Variants in KCNMA1 observed in about 807,000 individuals in gnomAD.
The protein encoded by KCNMA1 is Calcium-activated potassium channel subunit alpha-1.
In KCNMA1, 29 loss-of-function variants were observed where a neutral mutation model predicts 140.0. The observed-to-expected ratio is 0.21, with a 90% CI of 0.15 to 0.28. The LOEUF (loss-of-function observed/expected upper bound fraction) is 0.28, where lower values mean the gene tolerates loss of function less well. Among genes scored for constraint, KCNMA1 ranks in the 10% least tolerant of loss-of-function variants. The pLI is 1.00. For missense variants in KCNMA1, 880 were observed against 1,602.2 expected (o/e 0.55, Z 7.70); for synonymous variants, 612 against 611.9 (o/e 1.00, Z 0.00).
intron 1 of KCNMA1, among the ~76,000 whole-genome samples, chr10:77,455,192 C>T (rs953163600): frequency 3.9e-5 from 6 of 152,270 alleles, no homozygotes; most frequent in South Asian, 2.1e-4. Flanking sequence ...TCTTCAGAAC[C>T]GGGCTCTCAC....
At chr10:77,187,217 C>T (rs2098874233) in intron 3 of KCNMA1, among the ~76,000 whole-genome samples, 1 of 152,116 alleles carries the variant, frequency 6.6e-6, no homozygotes, top group South Asian at 2.1e-4. Context: ...GAGATGTGAG[C>T]TGAATGCCAC....
At chr10:77,499,456 C>CACACAT (rs551595637) in intron 1 of KCNMA1, among the ~76,000 whole-genome samples, 1 of 148,758 alleles carries the variant, frequency 6.7e-6, no homozygotes, top group African/African-American at 2.5e-5. Flanking sequence ...CACACACACA[C>CACACAT]ATATATATAT....
chr10:77,197,005 G>A (rs768988875), intron 3 of KCNMA1, among the ~76,000 whole-genome samples: 1 of 152,148 alleles, frequency 6.6e-6, no homozygotes, highest in East Asian at 1.9e-4. Flanking sequence ...CAGTTTTAAA[G>A]TAAGTCATTA....
At chr10:77,530,701 T>C (rs1656534885) in intron 1 of KCNMA1, among the ~76,000 whole-genome samples, 1 of 152,190 alleles carries the variant, frequency 6.6e-6, no homozygotes, top group Non-Finnish European at 1.5e-5. Flanking sequence ...ACATGTTCTA[T>C]AGGAGACCTG....
intron 14 of KCNMA1, among the ~76,000 whole-genome samples, chr10:77,040,613 A>G (rs2094611633): frequency 1.3e-5 from 2 of 152,222 alleles, no homozygotes; most frequent in South Asian, 4.1e-4. Flanking sequence ...GCTTTATATC[A>G]AAACACTAAC....
chr10:77,288,684 C>T (rs940658211), intron 2 of KCNMA1, among the ~76,000 whole-genome samples: 1 of 152,152 alleles, frequency 6.6e-6, no homozygotes, highest in African/African-American at 2.4e-5. Flanking sequence ...TCCAGAAATG[C>T]TGCTTTTAAC....
intron 1 of KCNMA1, among the ~76,000 whole-genome samples, chr10:77,497,683 A>G (rs1023434083): frequency 2.0e-5 from 3 of 152,238 alleles, no homozygotes; most frequent in African/African-American, 7.2e-5. Context: ...CTATCACAGA[A>G]TCTTAGAATC....
chr10:77,506,006 C>T (rs1336619044), intron 1 of KCNMA1, among the ~76,000 whole-genome samples: 2 of 152,128 alleles, frequency 1.3e-5, no homozygotes. Flanking sequence ...GAGAAGGCAC[C>T]AGGAGAAGCA....
chr10:77,196,598 G>C (rs568220544), intron 3 of KCNMA1, among the ~76,000 whole-genome samples: 1 of 152,138 alleles, frequency 6.6e-6, no homozygotes, highest in African/African-American at 2.4e-5. Flanking sequence ...GGAGGAAAAA[G>C]GACTGTGGGA....
intron 2 of KCNMA1, among the ~76,000 whole-genome samples, chr10:77,273,932 G>C (rs948301613): frequency 6.6e-6 from 1 of 152,090 alleles, no homozygotes; most frequent in Non-Finnish European, 1.5e-5. Flanking sequence ...GAAAAAGCAG[G>C]CACCCTTTTA....
intron 20 of KCNMA1, among the ~76,000 whole-genome samples, chr10:76,969,153 C>T (rs2075116154): frequency 6.6e-6 from 1 of 151,148 alleles, no homozygotes; most frequent in South Asian, 2.1e-4. Flanking sequence ...GACAGATAGG[C>T]CAAGAAGAAG....
chr10:77,538,954 T>G (rs918995682), intron 1 of KCNMA1, among the ~76,000 whole-genome samples: 1 of 152,168 alleles, frequency 6.6e-6, no homozygotes, highest in Non-Finnish European at 1.5e-5. Flanking sequence ...GCTCCGTACA[T>G]AGGTCCCCCC....
intron 1 of KCNMA1, among the ~76,000 whole-genome samples, chr10:77,541,314 T>G (rs540815303): frequency 6.6e-6 from 1 of 152,184 alleles, no homozygotes; most frequent in Non-Finnish European, 1.5e-5. Context: ...ATTAAAAGAT[T>G]GACAATAAAA....
At chr10:77,237,516 G>A (rs1452737559) in intron 3 of KCNMA1, among the ~76,000 whole-genome samples, 1 of 152,100 alleles carries the variant, frequency 6.6e-6, no homozygotes. Flanking sequence ...GGAACACAGT[G>A]GTGCAACCAG....
chr10:77,372,522 C>T (rs984103624), intron 2 of KCNMA1, among the ~76,000 whole-genome samples: 1 of 152,150 alleles, frequency 6.6e-6, no homozygotes, highest in Non-Finnish European at 1.5e-5. Flanking sequence ...TCAGCCAAGT[C>T]ACTCCTCTCT....
chr10:77,259,664 A>C (rs1274185803), intron 2 of KCNMA1, among the ~76,000 whole-genome samples: 1 of 152,152 alleles, frequency 6.6e-6, no homozygotes, highest in Non-Finnish European at 1.5e-5. Context: ...GAGCCTTCGC[A>C]CAAGCACTTT....
chr10:77,462,464 TGTAAACATACATACAC>T (rs1431111344), intron 1 of KCNMA1, among the ~76,000 whole-genome samples: 13 of 152,186 alleles, frequency 8.5e-5, no homozygotes, highest in African/African-American at 2.7e-4. Flanking sequence ...CACACAGACA[TGTAAACATACATACAC>T]GTAAACATAC....
In KCNMA1 at chr10:77,297,738, C is replaced by T. The variant is rs567194149; in HGVS notation, c.541-46482G>A. Among the ~76,000 whole-genome samples, 43 of 152,330 alleles carry T rather than the reference C, an allele frequency of 2.8e-4. No individual in the cohort carries two copies. In the South Asian group the frequency reaches 8.7e-3, roughly 31 times the overall value. ...GGGGAGAAGAAAAGATCAAAACCAC[C>T]TCCTTCTCCAGCCAAGCTATGTTTG... On this transcript the variant is annotated intron_variant, in intron 2 of 27. Coordinates refer to ENST00000286628, the MANE Select transcript of KCNMA1 (RefSeq NM_001161352.2).
chr10:77,427,327 C>A (rs893048829), intron 1 of KCNMA1, among the ~76,000 whole-genome samples: 4 of 152,240 alleles, frequency 2.6e-5, no homozygotes, highest in African/African-American at 9.6e-5. Context: ...TATGATAGAA[C>A]TGAGCTCAAA....
Sources: allele counts gnomAD v4.1 joint callset (sites outside exome capture counted in the v4.1 genomes callset), GRCh38; gene constraint gnomAD v4.1.1; transcripts MANE v1.5; gene names NCBI Gene and HGNC (gene_info 2026-07-23, HGNC 2026-07-21).